The following FRMD4B variants were observed in gnomAD, a reference collection of about 807,000 sequenced individuals.
FRMD4B encodes the protein FERM domain containing 4B.
Under a neutral mutation model 141.5 loss-of-function variants are expected in FRMD4B, and 74 were observed. The ratio of observed to expected loss-of-function variants is 0.52; its 90% CI spans 0.43 to 0.63. The LOEUF is 0.63. Ranked by LOEUF, FRMD4B falls within the 30% of genes least tolerant of loss-of-function variation. FRMD4B has a pLI of 0.00. For synonymous variants in FRMD4B, 506 were observed against 467.9 expected (o/e 1.08, Z -1.05); for missense variants, 1,366 against 1,253.4 (o/e 1.09, Z -1.36).
intron 2 of FRMD4B, among the ~76,000 whole-genome samples, chr3:69,420,143 C>G (rs1461105743): frequency 2.0e-5 from 3 of 152,102 alleles, no homozygotes; most frequent in African/African-American, 7.2e-5. Context: ...AGGCATGAGC[C>G]ACTGTGCCTG....
intron 1 of FRMD4B, among the ~76,000 whole-genome samples, chr3:69,342,233 G>C (rs1246451634): frequency 6.6e-6 from 1 of 152,132 alleles, no homozygotes; most frequent in Non-Finnish European, 1.5e-5. Flanking sequence ...ATGAACACTT[G>C]ACCTGAAGGC....
intron 1 of FRMD4B, among the ~76,000 whole-genome samples, chr3:69,522,110 G>A (rs1700863081): frequency 1.3e-5 from 2 of 151,640 alleles, no homozygotes; most frequent in African/African-American, 4.8e-5. Context: ...AAGGCCTTAG[G>A]GTCAAAGACT....
At chr3:69,366,739 A>G (rs994840335) in intron 1 of FRMD4B, among the ~76,000 whole-genome samples, 7 of 152,058 alleles carry the variant, frequency 4.6e-5, no homozygotes, top group Non-Finnish European at 8.8e-5. Context: ...TATTCATATC[A>G]ATAATAATTA....
chr3:69,216,106 A>G lies in FRMD4B; in HGVS notation c.876+157T>C, dbSNP rs544797847. On this transcript the variant is annotated intron_variant, in intron 11 of 22. Coordinates refer to ENST00000398540, the MANE Select transcript of FRMD4B (RefSeq NM_015123.3). Reference sequence around the variant, plus strand: ...GAGGTGGAGGTTGCAGTGAGCCACTATCAGCCCACTGCACTCCAGCTTGGG... The same window carrying G: ...GAGGTGGAGGTTGCAGTGAGCCACTGTCAGCCCACTGCACTCCAGCTTGGG... Among the ~76,000 whole-genome samples the G allele has an allele frequency of 8.6e-5, 13 of 151,640 alleles. No homozygotes were observed. In the South Asian group the frequency reaches 2.3e-3, roughly 27 times the overall value.
At chr3:69,224,420 A>G (rs2093229852) in intron 8 of FRMD4B, among the ~76,000 whole-genome samples, 187 bp downstream of exon 8, 1 of 152,236 alleles carries the variant, frequency 6.6e-6, no homozygotes, top group Non-Finnish European at 1.5e-5. Flanking sequence ...TCTTGGTACA[A>G]TGATCTCCAG....
intron 5 of FRMD4B, among the ~76,000 whole-genome samples, chr3:69,258,174 CA>C (rs1011132140): frequency 1.3e-5 from 2 of 152,134 alleles, no homozygotes; most frequent in Non-Finnish European, 2.9e-5. Context: ...CCATGTTGCC[CA>C]GGTTGGTCTT....
At chr3:69,174,072 G>A (rs2092617673) in intron 22 of FRMD4B, among the ~76,000 whole-genome samples, 1 of 151,734 alleles carries the variant, frequency 6.6e-6, no homozygotes, top group African/African-American at 2.4e-5. Context: ...GGGTGGCAGA[G>A]GTTGCAGTGA....
intron 2 of FRMD4B, among the ~76,000 whole-genome samples, chr3:69,430,608 A>G (rs971132937): frequency 6.6e-6 from 1 of 152,192 alleles, no homozygotes; most frequent in Admixed American, 6.5e-5. Context: ...AAGAGGGCAA[A>G]TGCTGTCCCA....
intron 11 of FRMD4B, among the ~76,000 whole-genome samples, chr3:69,214,470 C>T (rs2093119157): frequency 6.6e-6 from 1 of 152,066 alleles, no homozygotes; most frequent in African/African-American, 2.4e-5. Context: ...CACTGTCATA[C>T]CAAAGGAAGC....
chr3:69,403,603 T>C (rs967250591), intron 2 of FRMD4B, among the ~76,000 whole-genome samples: 4 of 152,096 alleles, frequency 2.6e-5, no homozygotes, highest in African/African-American at 7.2e-5. Flanking sequence ...CAAACAGTCA[T>C]AGAAAACTTC....
At chr3:69,307,213 G>C (rs948923833) in intron 3 of FRMD4B, among the ~76,000 whole-genome samples, 2 of 152,040 alleles carry the variant, frequency 1.3e-5, no homozygotes, top group Non-Finnish European at 2.9e-5. Flanking sequence ...ACCTCCTTTG[G>C]TTGAACCAAA....
intron 1 of FRMD4B, among the ~76,000 whole-genome samples, chr3:69,515,030 G>A (rs905317113): frequency 2.6e-5 from 4 of 152,152 alleles, no homozygotes; most frequent in African/African-American, 9.7e-5. Context: ...AGACCAATGG[G>A]ATAGAGTAGA....
intron 5 of FRMD4B, among the ~76,000 whole-genome samples, chr3:69,280,488 G>A (rs1002944400): frequency 6.6e-6 from 1 of 152,084 alleles, no homozygotes; most frequent in Non-Finnish European, 1.5e-5. Flanking sequence ...AAGTCATCTG[G>A]CCCCTAATGT....
intron 11 of FRMD4B, among the ~76,000 whole-genome samples, chr3:69,210,367 T>C (rs1046294270): frequency 1.3e-5 from 2 of 152,038 alleles, no homozygotes; most frequent in African/African-American, 2.4e-5. Context: ...AGAACAGACA[T>C]TTTTCCTTGA....
At chr3:69,490,606 T>A (rs1241361604) in intron 1 of FRMD4B, among the ~76,000 whole-genome samples, 2 of 152,194 alleles carry the variant, frequency 1.3e-5, no homozygotes, top group African/African-American at 4.8e-5. Flanking sequence ...CAGCCCACAG[T>A]CACCACCTAC....
chr3:69,475,771 G>A (rs1034907363), intron 1 of FRMD4B, among the ~76,000 whole-genome samples: 2 of 150,958 alleles, frequency 1.3e-5, no homozygotes, highest in East Asian at 1.9e-4. Flanking sequence ...AGATCCCTGG[G>A]AATCGCCACA....
chr3:69,354,085 T>C (rs1575759554), intron 1 of FRMD4B, among the ~76,000 whole-genome samples: 1 of 152,168 alleles, frequency 6.6e-6, no homozygotes, highest in East Asian at 1.9e-4. Flanking sequence ...TCACAGCCAG[T>C]TGATGTTAAC....
intron 7 of FRMD4B, among the ~76,000 whole-genome samples, chr3:69,248,509 T>C (rs2093440038): frequency 6.6e-6 from 1 of 152,208 alleles, no homozygotes; most frequent in Non-Finnish European, 1.5e-5. Flanking sequence ...TGCTAGGTGA[T>C]CTGTAAATAA....
At chr3:69,298,224 T>G (rs1193156256) in intron 4 of FRMD4B, among the ~76,000 whole-genome samples, 1 of 152,254 alleles carries the variant, frequency 6.6e-6, no homozygotes, top group African/African-American at 2.4e-5. Flanking sequence ...TTTTCATAAA[T>G]GCTACAATAA....
Sources: gnomAD v4.1 joint callset for allele counts (sites outside exome capture counted in the v4.1 genomes callset) on GRCh38, gnomAD v4.1.1 for gene constraint, MANE v1.5 for transcripts, NCBI Gene and HGNC (gene_info 2026-07-23, HGNC 2026-07-21) for gene names.